IMPA1: variants seen among roughly 807,000 people sequenced by gnomAD.
IMPA1 encodes D-galactose 1-phosphate phosphatase.
In IMPA1, 21 loss-of-function variants were observed where a neutral mutation model predicts 34.9. The ratio of observed to expected loss-of-function variants is 0.60; its 90% CI spans 0.43 to 0.87. The LOEUF (loss-of-function observed/expected upper bound fraction) is 0.87, where lower values mean the gene tolerates loss of function less well. Ranked by LOEUF, IMPA1 falls within the 40% of genes least tolerant of loss-of-function variation. IMPA1 has a pLI of 0.00. For synonymous variants in IMPA1, 95 were observed against 104.4 expected (o/e 0.91, Z 0.55); for missense variants, 299 against 336.4 (o/e 0.89, Z 0.87).
At chr8:81,663,582 T>C (rs1806737201) in intron 7 of IMPA1, among the ~76,000 whole-genome samples, 1 of 152,210 alleles carries the variant, frequency 6.6e-6, no homozygotes. Context: ...AGATGATCTT[T>C]GATCAGTTCT....
rs1442956565 is a variant in IMPA1, at chr8:81,684,205, ATATT to A, written c.-25+2043_-25+2046del. 5.9e-4 allele frequency among the ~76,000 whole-genome samples: 86 copies of A among 146,808 alleles called. 1 individual carries two copies. The highest frequency in any genetic ancestry group is 2.1e-3 in the African/African-American group (82 of 39,616). ...ACAGTAAATATACTTTATATACTAT[ATATT>A]TAGATACTATATATAGTATATATAC... On this transcript the variant is annotated intron_variant, in intron 1 of 8. Transcript: ENST00000256108.
intron 5 of IMPA1, chr8:81,674,806 C>T (rs1001874760): frequency 2.4e-5 from 11 of 455,254 alleles, no homozygotes; most frequent in African/African-American, 1.8e-4. Context: ...ACCTCATAAT[C>T]GGGGGAAGAA....
chr8:81,662,147 T>A (rs772804045), intron 7 of IMPA1, among the ~76,000 whole-genome samples: 11 of 152,326 alleles, frequency 7.2e-5, no homozygotes, highest in South Asian at 2.1e-4. Flanking sequence ...TAGTAGTAAG[T>A]GCACCAAATT....
intron 4 of IMPA1, among the ~76,000 whole-genome samples, chr8:81,676,905 G>T (rs1807149263): frequency 6.6e-6 from 1 of 151,986 alleles, no homozygotes; most frequent in Admixed American, 6.6e-5. Flanking sequence ...GAGGCAGAAG[G>T]ATCCCTTGAG....
rs191972839 is a variant in IMPA1 at position 81,684,776 on chromosome 8, T to C, written c.-25+1476A>G. On this transcript the variant is annotated intron_variant, in intron 1 of 8. Coordinates refer to ENST00000256108, the MANE Select transcript of IMPA1 (RefSeq NM_005536.4). ...GTATATTTAGATACTATGTGGAGTA[T>C]ATATACTACACATAAGTATATTTAG... 2.4e-3 allele frequency among the ~76,000 whole-genome samples: 349 copies of C among 143,444 alleles called. 5 individuals carry two copies. The highest frequency in any genetic ancestry group is 8.5e-3 in the African/African-American group (333 of 39,196). The allele number at this position is 143,444 out of a possible 152,430, so 94.1% of individuals were successfully genotyped here.
At chr8:81,666,197 T>C (rs898486790) in intron 7 of IMPA1, among the ~76,000 whole-genome samples, 3 of 152,108 alleles carry the variant, frequency 2.0e-5, no homozygotes, top group African/African-American at 4.8e-5. Context: ...TTCTAGATAG[T>C]AAATAGTTAA....
chr8:81,668,077 C>A (rs1806886020), intron 7 of IMPA1, among the ~76,000 whole-genome samples: 1 of 152,172 alleles, frequency 6.6e-6, no homozygotes. Flanking sequence ...CCTGCCTCAG[C>A]CTCTCAAAGT....
rs1380476331 is a variant in IMPA1 at position 81,678,975 on chromosome 8, C to T, written c.302+151G>A. On this transcript the variant is annotated intron_variant, in intron 4 of 8. Transcript: ENST00000256108. ...TAAGTCTGCATAATACATTTTGCTC[C>T]ACTTTTACATTTTATATATACTTTA... 1.4e-5 allele frequency: 8 copies of T among 558,834 alleles called. No homozygotes were observed. The East Asian group carries it at 2.4e-4, about 17-fold the overall frequency. 34.6% of individuals were successfully genotyped at this position (558,834 alleles called of 1,614,324 possible). A position where few individuals can be genotyped will look rare whatever the true frequency, so the allele number is the denominator to read the frequency against.
intron 1 of IMPA1, among the ~76,000 whole-genome samples, chr8:81,684,881 GTATAGTA>G (rs918050266): frequency 3.0e-5 from 4 of 131,242 alleles, no homozygotes; most frequent in African/African-American, 1.2e-4. Flanking sequence ...TAGATACTAT[GTATAGTA>G]TATATACTAT....
chr8:81,663,267 C>T (rs1006827623), intron 7 of IMPA1, among the ~76,000 whole-genome samples: 1 of 152,184 alleles, frequency 6.6e-6, no homozygotes, highest in Non-Finnish European at 1.5e-5. Flanking sequence ...CACACTGTAG[C>T]AGCAAGTTTA....
chr8:81,665,480 A>G (rs1020901725), intron 7 of IMPA1, among the ~76,000 whole-genome samples: 1 of 152,176 alleles, frequency 6.6e-6, no homozygotes, highest in Non-Finnish European at 1.5e-5. Context: ...AAAGAGACAG[A>G]GAGAAAATGG....
intron 1 of IMPA1, among the ~76,000 whole-genome samples, chr8:81,684,614 A>G (rs1807434682): frequency 8.9e-5 from 11 of 123,558 alleles, no homozygotes; most frequent in African/African-American, 3.0e-4. Context: ...TATCTAGTAT[A>G]TATATACTAC....
At chr8:81,674,910 A>G (rs1807088083) in intron 5 of IMPA1, 3 of 434,336 alleles carry the variant, frequency 6.9e-6, no homozygotes, top group Admixed American at 5.3e-5. Flanking sequence ...TCTCCTTCAA[A>G]TTTAATCTCA....
intron 7 of IMPA1, among the ~76,000 whole-genome samples, chr8:81,667,826 CTTT>C (rs200451839): frequency 5.0e-5 from 7 of 139,966 alleles, no homozygotes; most frequent in Admixed American, 7.2e-5. Flanking sequence ...CTAAGGGTTT[CTTT>C]TTTTTTTTTT....
intron 7 of IMPA1, among the ~76,000 whole-genome samples, chr8:81,668,714 A>T (rs1461437071): frequency 6.6e-6 from 1 of 152,244 alleles, no homozygotes; most frequent in Non-Finnish European, 1.5e-5. Flanking sequence ...AGGGTTAGCC[A>T]GGAACCATTT....
intron 8 of IMPA1, 75 bp from the exon 9 acceptor site, chr8:81,659,541 G>C: frequency 1.3e-6 from 1 of 788,068 alleles, no homozygotes; most frequent in South Asian, 1.5e-5. Context: ...ATAGCAATAT[G>C]TACTATGGTC....
intron 1 of IMPA1, among the ~76,000 whole-genome samples, chr8:81,682,947 T>C (rs1807343772): frequency 6.6e-6 from 1 of 152,080 alleles, no homozygotes; most frequent in Non-Finnish European, 1.5e-5. Flanking sequence ...TCAATATCAA[T>C]CAAAAACTAA....
chr8:81,662,732 C>T (rs576654219), intron 7 of IMPA1, among the ~76,000 whole-genome samples: 1 of 152,262 alleles, frequency 6.6e-6, no homozygotes, highest in South Asian at 2.1e-4. Flanking sequence ...ATTTGTAAAG[C>T]ACCTAGCAGA....
chr8:81,665,134 G>A (rs1806784424), intron 7 of IMPA1, among the ~76,000 whole-genome samples: 1 of 150,698 alleles, frequency 6.6e-6, no homozygotes, highest in East Asian at 2.0e-4. Context: ...TAATAAAATG[G>A]TTTTGTTTTT....
Sources: allele counts gnomAD v4.1 joint callset (sites outside exome capture counted in the v4.1 genomes callset), GRCh38; gene constraint gnomAD v4.1.1; transcripts MANE v1.5; gene names NCBI Gene and HGNC (gene_info 2026-07-23, HGNC 2026-07-21).